The following PIGC variants were observed in gnomAD, a reference collection of about 807,000 sequenced individuals.
PIGC encodes phosphatidylinositol glycan anchor biosynthesis class C.
In PIGC, 14 loss-of-function variants were observed where a neutral mutation model predicts 20.9. The observed-to-expected ratio is 0.67, with a 90% CI of 0.44 to 1.05. The LOEUF is 1.05. Among genes scored for constraint, PIGC ranks in the 50% least tolerant of loss-of-function variants. The probability of loss-of-function intolerance (pLI) is 0.00; values close to 1 mark genes in which losing one functional copy is unlikely to be tolerated. For synonymous variants in PIGC, 132 were observed against 141.4 expected, an observed-to-expected ratio of 0.93 and a Z score of 0.47; for missense variants, 310 against 360.9, an observed-to-expected ratio of 0.86 and a Z score of 1.14.
Position 172,441,871 on chromosome 1 carries a change from G to A in PIGC, c.752C>T (p.Ala251Val). ...CATCAGCAGAAGGGCAAAGAGTACG[G>A]CTCCCACAGCACTAATGGACAGTAG... ...GGLLSISAVG[A>V]VLFALLLMSI... is the part of the protein sequence containing the mutation. Residue 251 changes from alanine (A) to valine (V), a missense_variant, in exon 2 of 2, where the codon GCC becomes GTC. Coordinates refer to ENST00000344529, the MANE Select transcript of PIGC (RefSeq NM_153747.2). The A allele has an allele frequency of 8.1e-6, 13 of 1,614,184 alleles. No homozygotes were observed. Among genetic ancestry groups the A allele is most frequent in the Non-Finnish European group, 1.1e-5 (13 of 1,180,026 alleles).
At position 172,442,338 on chromosome 1, in the gene PIGC, A is replaced by C. The variant is rs1453125734; in HGVS notation, c.285T>G (p.Ile95Met). The C allele has an allele frequency of 2.5e-6, 4 of 1,613,058 alleles. No homozygotes were observed. Among genetic ancestry groups the C allele is most frequent in the African/African-American group, 1.3e-5 (1 of 74,888 alleles). Reference protein sequence around the residue: ...LLGTGLASSLIGYVLFDLIDG... With the variant: ...LLGTGLASSLMGYVLFDLIDG... The stretch of plus-strand genomic sequence containing the variant: ...CAATGAGATCAAACAAAACATACCC[A>C]ATCAGTGAAGAAGCCAGACCAGTCC... Residue 95 changes from isoleucine to methionine, a missense_variant, in exon 2 of 2, where the codon ATT becomes ATG. Coordinates refer to ENST00000344529, the MANE Select transcript of PIGC (RefSeq NM_153747.2).
rs754754890 is a variant in PIGC, at chr1:172,442,173, A to T, written c.450T>A (p.Tyr150Ter). ...LTESVSTDTIYAMSVFMLLGH... is the reference protein window; with the variant it reads ...LTESVSTDTI Reference sequence around the variant, plus strand: ...CTAACAGCATGAAGACTGACATGGCATAGATGGTGTCAGTGCTGACAGACT... The same window carrying T: ...CTAACAGCATGAAGACTGACATGGCTTAGATGGTGTCAGTGCTGACAGACT... Residue 150 changes from tyrosine (Y) to a stop codon, truncating the protein, a stop_gained, in exon 2 of 2, where the codon TAT becomes TAA. Transcript: ENST00000344529. LOFTEE classifies it high-confidence loss of function. 2.5e-6 allele frequency: 4 copies of T among 1,614,018 alleles called. No individual in the cohort carries two copies. The highest frequency in any genetic ancestry group is 3.4e-6 in the Non-Finnish European group (4 of 1,179,810).
At position 172,442,609 on chromosome 1, in the gene PIGC, G is replaced by A; in HGVS notation, c.14C>T (p.Pro5Leu). 1 of 1,612,384 alleles carries A rather than the reference G, an allele frequency of 6.2e-7. No individual in the cohort carries two copies. ...CTTGACCTCCTTGGTGTTAGTCACA[G>A]GTTGAGCATACATTATCCTTTCATT... MYAQ[P>L]VTNTKEVKWQ... The change falls in exon 2 of 2, where the codon CCT becomes CTT. Residue 5 changes from proline (P) to leucine (L), a missense_variant. Pro to Leu is a moderately conservative substitution (Grantham distance 98). Coordinates refer to ENST00000344529, the MANE Select transcript of PIGC (RefSeq NM_153747.2).
chr1:172,442,473 A>C lies in PIGC; in HGVS notation c.150T>G (p.Ala50=). 1 of 1,614,198 alleles carries C rather than the reference A, an allele frequency of 6.2e-7. No homozygotes were observed. The highest frequency in any genetic ancestry group is 8.5e-7 in the Non-Finnish European group (1 of 1,180,030). The change falls in exon 2 of 2, where the codon GCT becomes GCG. Residue 50 remains alanine, a synonymous_variant. Coordinates refer to ENST00000344529, the MANE Select transcript of PIGC (RefSeq NM_153747.2). The part of the protein sequence containing the change: ...NIHARKYQYW[A]VVFESSVVIQ... ...TCACCACACTGGACTCAAATACCAC[A>C]GCCCAATATTGGTATTTCCGAGCAT...
chr1:172,443,363 G>C (rs1647553297), intron 1 of PIGC: 1 of 166,826 alleles, frequency 6.0e-6, no homozygotes, highest in South Asian at 2.1e-4. Context: ...CATGTTATTT[G>C]TATTTTTTAA....
intron 1 of PIGC, chr1:172,443,037 C>A (rs1406957314): frequency 5.5e-6 from 1 of 180,606 alleles, no homozygotes; most frequent in Non-Finnish European, 1.3e-5. Flanking sequence ...TTATTGAGTA[C>A]CTACTATGTG....
rs1002495123 is a variant in PIGC, at chr1:172,442,604, T to A, written c.19A>T (p.Thr7Ser). Residue 7 changes from threonine (T) to serine (S), a missense_variant, in exon 2 of 2, where the codon ACT (threonine) becomes TCT (serine). By Grantham distance (58) the Thr-to-Ser change is moderately conservative (BLOSUM62 1). Transcript: ENST00000344529. ...TGCCACTTGACCTCCTTGGTGTTAG[T>A]CACAGGTTGAGCATACATTATCCTT... MYAQPV[T>S]NTKEVKWQKV... The A allele has an allele frequency of 6.2e-7, 1 of 1,613,248 alleles. No individual in the cohort carries two copies. The highest frequency in any genetic ancestry group is 8.5e-7 in the Non-Finnish European group (1 of 1,179,228).
Position 172,442,687 on chromosome 1 carries a change from T to C in PIGC, c.-65A>G, listed in dbSNP as rs918683612. On this transcript the variant is annotated 5_prime_UTR_variant, in exon 2 of 2. Transcript: ENST00000344529. ...CTCACAGAAGTCCAGGTGGTTCTTG[T>C]TCTTTATGAAGTTTTGAAATGAGAC... 7.1e-6 allele frequency: 10 copies of C among 1,405,304 alleles called. No homozygotes were observed. The highest frequency in any genetic ancestry group is 9.9e-6 in the Non-Finnish European group (10 of 1,013,196). The allele number at this position is 1,405,304 out of a possible 1,614,324, so 87.1% of individuals were successfully genotyped here.
chr1:172,442,211 T>A lies in PIGC; in HGVS notation c.412A>T (p.Lys138Ter). Reference sequence around the variant, plus strand: ...GTGCTGACAGACTCTGTAAGGGTCTTCAGCACTGGTGAAAACCCATAAGTG... The same window carrying A: ...GTGCTGACAGACTCTGTAAGGGTCTACAGCACTGGTGAAAACCCATAAGTG... Reference protein sequence around the residue: ...TFTYGFSPVLKTLTESVSTDT... With the variant: ...TFTYGFSPVL The change falls in exon 2 of 2, where the codon AAG (lysine) becomes TAG (stop). Residue 138 changes from lysine to a stop codon, truncating the protein, a stop_gained. Transcript: ENST00000344529. LOFTEE classifies it high-confidence loss of function. The A allele has an allele frequency of 1.2e-6, 2 of 1,614,104 alleles. No homozygotes were observed. Among genetic ancestry groups the A allele is most frequent in the Non-Finnish European group, 8.5e-7 (1 of 1,179,932 alleles).
intron 1 of PIGC, 57 bp from the exon 2 acceptor site, chr1:172,442,887 G>A (rs1293184608): frequency 2.6e-6 from 1 of 384,084 alleles, no homozygotes; most frequent in African/African-American, 2.0e-5. Flanking sequence ...GAGTAGTACT[G>A]AGATAAAGTC....
At position 172,442,341 on chromosome 1, in the gene PIGC, C is replaced by T. The variant is rs1193521235; in HGVS notation, c.282G>A (p.Leu94=). 6.2e-7 allele frequency: 1 copy of T among 1,613,072 alleles called. No homozygotes were observed. The change falls in exon 2 of 2, where the codon CTG becomes CTA. Residue 94 remains leucine, a synonymous_variant. Transcript: ENST00000344529. ...TGAGATCAAACAAAACATACCCAATCAGTGAAGAAGCCAGACCAGTCCCTA... is the reference window on the plus strand; with the variant it reads ...TGAGATCAAACAAAACATACCCAATTAGTGAAGAAGCCAGACCAGTCCCTA... ...WLLGTGLASS[L]IGYVLFDLID... is the part of the protein sequence containing the mutation.
At chr1:172,442,890 A>G in intron 1 of PIGC, 60 bp from the exon 2 acceptor site, 1 of 367,268 alleles carries the variant, frequency 2.7e-6, no homozygotes, top group Non-Finnish European at 5.2e-6. Context: ...TAGTACTGAG[A>G]TAAAGTCAAA....
Position 172,441,767 on chromosome 1 carries a change from C to G in PIGC, c.856G>C (p.Ala286Pro), listed in dbSNP as rs776173782. ...CTGGACAAGTCTTCCTTGATTTCAG[C>G]TTCATCCCAAGGCCCATGAATGTTT... ...KENIHGPWDE[A>P]EIKEDLSRFL... Residue 286 changes from alanine (A) to proline (P), a missense_variant, in exon 2 of 2, where the codon GCT (alanine) becomes CCT (proline). Transcript: ENST00000344529. 6.3e-7 allele frequency: 1 copy of G among 1,575,056 alleles called. No individual in the cohort carries two copies.
Position 172,444,020 on chromosome 1 carries a change from C to A in PIGC, c.-241G>T. 1 of 1,000,108 alleles carries A rather than the reference C, an allele frequency of 1.0e-6. No individual in the cohort carries two copies. Among genetic ancestry groups the A allele is most frequent in the Non-Finnish European group, 1.2e-6 (1 of 830,174 alleles). The allele number at this position is 1,000,108 out of a possible 1,614,324, so 62.0% of individuals were successfully genotyped here. On this transcript the variant is annotated 5_prime_UTR_variant, in exon 1 of 2. Transcript: ENST00000344529. ...TTCCTAGGGTTGCGCAGCTGGGGGA[C>A]GGCGGCACCCAGCCTTTTTCCCGCT...
At chr1:172,443,042 T>C (rs957501430) in intron 1 of PIGC, 9 of 178,740 alleles carry the variant, frequency 5.0e-5, no homozygotes, top group African/African-American at 2.2e-4. Context: ...GAGTACCTAC[T>C]ATGTGCTAAG....
chr1:172,443,821 A>C, intron 1 of PIGC, 167 bp downstream of exon 1: 5 of 297,712 alleles, frequency 1.7e-5, no homozygotes, highest in Non-Finnish European at 2.7e-5. Flanking sequence ...GGGACGGGGT[A>C]GGGTAGGGTG....
Position 172,442,058 on chromosome 1 carries a change from A to G in PIGC, c.565T>C (p.Leu189=), listed in dbSNP as rs1344003489. 1 of 1,614,242 alleles carries G rather than the reference A, an allele frequency of 6.2e-7. No homozygotes were observed. Among genetic ancestry groups the G allele is most frequent in the Admixed American group, 1.7e-5 (1 of 60,034 alleles). The part of the protein sequence containing the change: ...LNMAIFASVC[L]ASRLPRSLHA... ...AGGGACCGGGGAAGACGTGATGCCA[A>G]GCATACAGAAGCAAAGATGGCCATG... Residue 189 remains leucine, a synonymous_variant, in exon 2 of 2, where the codon TTG becomes CTG. Transcript: ENST00000344529.
Position 172,442,387 on chromosome 1 carries a change from A to C in PIGC, c.236T>G (p.Leu79Arg). ...CCCTAAAAGCCAATGGGGGGCCAGA[A>C]GACCCTCATCCATATACCACCAGAT... ...VVIWWYMDEG[L>R]LAPHWLLGTG... Residue 79 changes from leucine to arginine, a missense_variant, in exon 2 of 2, where the codon CTT becomes CGT. Coordinates refer to ENST00000344529, the MANE Select transcript of PIGC (RefSeq NM_153747.2). The C allele has an allele frequency of 6.2e-7, 1 of 1,613,726 alleles. No individual in the cohort carries two copies. The highest frequency in any genetic ancestry group is 1.7e-5 in the Admixed American group (1 of 60,028).
In PIGC at chr1:172,442,378, G is replaced by A. The variant is rs200424952; in HGVS notation, c.245C>T (p.Pro82Leu). The A allele has an allele frequency of 1.7e-5, 27 of 1,613,316 alleles. No individual in the cohort carries two copies. The highest frequency in any genetic ancestry group is 8.5e-6 in the Non-Finnish European group (10 of 1,180,024). The change falls in exon 2 of 2, where the codon CCC (proline) becomes CTC (leucine). Residue 82 changes from proline to leucine, a missense_variant. Transcript: ENST00000344529. ...CAGACCAGTCCCTAAAAGCCAATGG[G>A]GGGCCAGAAGACCCTCATCCATATA... ...WWYMDEGLLAPHWLLGTGLAS... is the reference protein window; with the variant it reads ...WWYMDEGLLALHWLLGTGLAS...
Sources: allele counts gnomAD v4.1 joint callset, GRCh38; gene constraint gnomAD v4.1.1; transcripts MANE v1.5; gene names NCBI Gene and HGNC (gene_info 2026-07-23, HGNC 2026-07-21).